The following TRRAP variants were observed in gnomAD, a reference collection of about 807,000 sequenced individuals.
TRRAP encodes transformation/transcription domain-associated protein.
A neutral mutation model predicts 438.8 loss-of-function variants in TRRAP; 41 were observed. The ratio of observed to expected loss-of-function variants is 0.09; its 90% CI spans 0.07 to 0.12. TRRAP has a LOEUF of 0.12. TRRAP is among the 10% of genes least tolerant of loss of function. TRRAP has a pLI of 1.00. For missense variants in TRRAP, 3,122 were observed against 5,055.1 expected (o/e 0.62, Z 11.60); for synonymous variants, 1,994 against 1,962.9 (o/e 1.02, Z -0.42).
At chr7:98,921,182 TA>T (rs1789777383) in intron 20 of TRRAP, among the ~76,000 whole-genome samples, 1 of 152,220 alleles carries the variant, frequency 6.6e-6, no homozygotes, top group Non-Finnish European at 1.5e-5. Flanking sequence ...GCAGCACTTA[TA>T]ATATGCTGCT....
chr7:98,985,549 A>G (rs1584393825), intron 62 of TRRAP, among the ~76,000 whole-genome samples: 3 of 152,210 alleles, frequency 2.0e-5, no homozygotes, highest in East Asian at 1.9e-4. Flanking sequence ...AGCCTAAACC[A>G]TTTGCTGTCT....
In TRRAP at chr7:99,011,611, G is replaced by T; in HGVS notation, c.11337+76G>T. On this transcript the variant is annotated intron_variant, in intron 72 of 72. Transcript: ENST00000456197. The surrounding 1 kb of genome is among the most constrained non-coding windows in gnomAD (Gnocchi z 7.1). Reference sequence around the variant, plus strand: ...GCCCGCGCGTCACGGCCTTGCAGGAGCTGCTGATGTGCCTCACGGGCTCTG... The same window carrying T: ...GCCCGCGCGTCACGGCCTTGCAGGATCTGCTGATGTGCCTCACGGGCTCTG... 1 of 1,519,850 alleles carries T rather than the reference G, an allele frequency of 6.6e-7. No individual in the cohort carries two copies. The highest frequency in any genetic ancestry group is 8.9e-7 in the Non-Finnish European group (1 of 1,127,140). 94.1% of individuals were successfully genotyped at this position (1,519,850 alleles called of 1,614,324 possible).
chr7:98,996,569 C>CTTA (rs1793670124), intron 67 of TRRAP, among the ~76,000 whole-genome samples: 1 of 152,234 alleles, frequency 6.6e-6, no homozygotes, highest in Non-Finnish European at 1.5e-5. Context: ...CATTTAAAAG[C>CTTA]TTAATTACTG....
chr7:99,002,556 G>A (rs980156771), intron 67 of TRRAP, among the ~76,000 whole-genome samples: 3 of 152,192 alleles, frequency 2.0e-5, no homozygotes, highest in South Asian at 2.1e-4. Flanking sequence ...GGTGGCCTGC[G>A]TCCTTGGTGG....
In TRRAP at chr7:98,890,370, A is replaced by G. The variant is rs781841596; in HGVS notation, c.186A>G (p.Leu62=). Reference sequence around the variant, plus strand: ...CATCTCCTCAGTATTCTACATTCCTAGAACATATCATCCCTCGATTCCTTA... The same window carrying G: ...CATCTCCTCAGTATTCTACATTCCTGGAACATATCATCCCTCGATTCCTTA... ...VTSSPQYSTF[L]EHIIPRFLTF... is the part of the protein sequence containing the mutation. The change falls in exon 4 of 73, where the codon CTA becomes CTG. Residue 62 remains leucine, a synonymous_variant. Coordinates refer to ENST00000456197, the MANE Select transcript of TRRAP (RefSeq NM_001375524.1). 8 of 1,605,726 alleles carry G rather than the reference A, an allele frequency of 5.0e-6. No homozygotes were observed. The highest frequency in any genetic ancestry group is 6.8e-6 in the Non-Finnish European group (8 of 1,177,810).
intron 21 of TRRAP, among the ~76,000 whole-genome samples, chr7:98,924,344 T>G (rs1789935388): frequency 6.6e-6 from 1 of 152,226 alleles, no homozygotes; most frequent in Non-Finnish European, 1.5e-5. Context: ...AAAGCTGTAT[T>G]AAAGCTGTAT....
At chr7:99,008,666 G>A (rs776607892) in intron 70 of TRRAP, 105 bp downstream of exon 70, 2 of 1,244,978 alleles carry the variant, frequency 1.6e-6, no homozygotes, top group Admixed American at 2.5e-5. Flanking sequence ...GCATTTGTTG[G>A]GGGCCACCTC....
At chr7:98,939,968 G>C (rs948208283) in intron 30 of TRRAP, among the ~76,000 whole-genome samples, 3 of 152,040 alleles carry the variant, frequency 2.0e-5, no homozygotes, top group Admixed American at 6.6e-5. Context: ...TCCTACCTCT[G>C]CCTCCCGGGT....
At chr7:98,886,622 A>T (rs1454003973) in intron 3 of TRRAP, among the ~76,000 whole-genome samples, 1 of 152,194 alleles carries the variant, frequency 6.6e-6, no homozygotes, top group African/African-American at 2.4e-5. Context: ...AATTCAGATG[A>T]CTGAATTCTT....
In TRRAP at chr7:98,902,921, A is replaced by AAG. The variant is rs1554406907; in HGVS notation, c.898-457_898-456insGA. On this transcript the variant is annotated intron_variant, in intron 11 of 72. Transcript: ENST00000456197. ...GACCCCCATTTCTAAAAAAAAAAAA[A>AAG]AAAAAGAAAATTAGGCATGGTGGTA... Among the ~76,000 whole-genome samples, 8 of 151,782 alleles carry AAG rather than the reference A, an allele frequency of 5.3e-5. No individual in the cohort carries two copies. In the South Asian group the frequency reaches 6.3e-4, roughly 12 times the overall value.
At chr7:98,886,249 C>T (rs1795688157) in intron 3 of TRRAP, among the ~76,000 whole-genome samples, 1 of 152,070 alleles carries the variant, frequency 6.6e-6, no homozygotes, top group African/African-American at 2.4e-5. Flanking sequence ...GAGATCATGC[C>T]ATTGCACTCC....
chr7:98,903,842 G>C (rs1428190251), intron 12 of TRRAP, among the ~76,000 whole-genome samples: 1 of 152,122 alleles, frequency 6.6e-6, no homozygotes, highest in Non-Finnish European at 1.5e-5. Context: ...TTACGTGGAT[G>C]GTGGCCCGCA....
At chr7:99,008,334 C>CGGTCACCCTCAGCCTGCCCCGT (rs777021877) in intron 69 of TRRAP, 43 bp from the exon 70 acceptor site, 1 of 1,589,306 alleles carries the variant, frequency 6.3e-7, no homozygotes. Flanking sequence ...CACTGGCCCG[C>CGGTCACCCTCAGCCTGCCCCGT]GGTCACCCTC....
chr7:98,975,976 A>G, intron 53 of TRRAP, 173 bp from the exon 54 acceptor site: 4 of 842,212 alleles, frequency 4.7e-6, no homozygotes, highest in Non-Finnish European at 7.0e-6. Flanking sequence ...GCTTCCCACC[A>G]CTCAGGATCT....
In TRRAP at chr7:98,924,801, A is replaced by T. The variant is rs1245876099; in HGVS notation, c.2824-311A>T. 3.3e-5 allele frequency among the ~76,000 whole-genome samples: 5 copies of T among 151,230 alleles called. No individual in the cohort carries two copies. In the Admixed American group the frequency reaches 3.3e-4, roughly 10 times the overall value. ...GGCAGATCACGAGGTCAGGAGATCG[A>T]GACCATCCTGGCTAACACAGTGAAA... is the stretch of plus-strand genomic sequence containing the variant. On this transcript the variant is annotated intron_variant, in intron 21 of 72. Transcript: ENST00000456197.
In TRRAP at chr7:98,968,241, A is replaced by G. The variant is rs1792248708; in HGVS notation, c.7512+543A>G. Among the ~76,000 whole-genome samples, 5 of 151,876 alleles carry G rather than the reference A, an allele frequency of 3.3e-5. No individual in the cohort carries two copies. The South Asian group carries it at 1.0e-3, about 32-fold the overall frequency. On this transcript the variant is annotated intron_variant, in intron 51 of 72. Transcript: ENST00000456197. Reference sequence around the variant, plus strand: ...ACCATGTTGCCCGGGCTGGTCACAAACTCCCAAGCTCAAGTGATCTGACTT... The same window carrying G: ...ACCATGTTGCCCGGGCTGGTCACAAGCTCCCAAGCTCAAGTGATCTGACTT...
chr7:98,928,580 G>A (rs979696963), intron 23 of TRRAP, among the ~76,000 whole-genome samples: 2 of 152,112 alleles, frequency 1.3e-5, no homozygotes, highest in African/African-American at 4.8e-5. Context: ...GGGTACCTCC[G>A]AGGCATTACC....
At chr7:99,008,335 G>A (rs141171133) in intron 69 of TRRAP, 42 bp from the exon 70 acceptor site, 146 of 1,594,742 alleles carry the variant, frequency 9.2e-5, no homozygotes, top group East Asian at 5.6e-4. Flanking sequence ...ACTGGCCCGC[G>A]GTCACCCTCA....
chr7:98,958,189 TA>T (rs1791716009), intron 44 of TRRAP, 98 bp downstream of exon 44: 7 of 1,060,192 alleles, frequency 6.6e-6, no homozygotes, highest in East Asian at 2.7e-5. Context: ...TCAAAAAAGA[TA>T]CAGACAAACC....
Sources: gnomAD v4.1 joint callset for allele counts (sites outside exome capture counted in the v4.1 genomes callset) on GRCh38, gnomAD v4.1.1 for gene constraint, Gnocchi (gnomAD v3.1) non-coding constraint, MANE v1.5 for transcripts, NCBI Gene and HGNC (gene_info 2026-07-23, HGNC 2026-07-21) for gene names.